Variants in SCAND3 observed in about 807,000 individuals in gnomAD.
SCAND3 encodes the protein SCAN domain-containing protein 3.
chr6:28,614,396 T>C, the SCAND3 span, among the ~76,000 whole-genome samples: 3 of 152,198 alleles, frequency 2.0e-5, no homozygotes, highest in Admixed American at 2.0e-4. Flanking sequence ...CTTCTAAACA[T>C]CTAGATAGGC....
chr6:28,595,195 CAAAAAA>C, the SCAND3 span, among the ~76,000 whole-genome samples: 2 of 16,104 alleles, frequency 1.2e-4, no homozygotes, highest in Non-Finnish European at 2.7e-4. Context: ...CCGTCACTAC[CAAAAAA>C]AAAAAAAAAA....
chr6:28,586,847 C>T, the SCAND3 span: 1 of 694,466 alleles, frequency 1.4e-6, no homozygotes, highest in Non-Finnish European at 2.4e-6. The surrounding 1 kb of genome is among the most constrained non-coding windows in gnomAD (Gnocchi z 4.4). Context: ...CAACACAGGA[C>T]AACTACAGAC....
the SCAND3 span, chr6:28,571,682 T>C: frequency 4.8e-6 from 2 of 418,502 alleles, no homozygotes; most frequent in Non-Finnish European, 8.2e-6. Flanking sequence ...TATATTTTAA[T>C]AAATACGACA....
the SCAND3 span, chr6:28,579,214 A>T: frequency 6.6e-7 from 1 of 1,504,936 alleles, no homozygotes; most frequent in Non-Finnish European, 9.1e-7. This position sits in a 1 kb window ranked among gnomAD's most constrained non-coding sequence, Gnocchi z 4.5. Context: ...AACTTTCAAT[A>T]CTAGACCCTT....
the SCAND3 span, chr6:28,575,298 G>C: frequency 6.2e-7 from 1 of 1,613,952 alleles, no homozygotes; most frequent in Non-Finnish European, 8.5e-7. The surrounding 1 kb of genome is among the most constrained non-coding windows in gnomAD (Gnocchi z 4.2). Context: ...CAGAACTCTG[G>C]CTTTGGCAGG....
At chr6:28,589,696 G>C in the SCAND3 span, 1 of 152,090 alleles carries the variant, frequency 6.6e-6, no homozygotes, top group East Asian at 1.9e-4. Flanking sequence ...CTTACGAAAA[G>C]CTCCAGCAGC....
chr6:28,576,779 T>A, the SCAND3 span, among the ~76,000 whole-genome samples: 2 of 151,724 alleles, frequency 1.3e-5, no homozygotes, highest in African/African-American at 4.8e-5. Context: ...TTTTTTTTTT[T>A]TTTTGTATTT....
At chr6:28,608,786 C>T in the SCAND3 span, among the ~76,000 whole-genome samples, 3 of 152,032 alleles carry the variant, frequency 2.0e-5, no homozygotes, top group Non-Finnish European at 4.4e-5. Context: ...ATTGCTTGAG[C>T]CCAGGAGTTC....
At chr6:28,572,954 T>C in the SCAND3 span, 3 of 1,614,046 alleles carry the variant, frequency 1.9e-6, no homozygotes, top group Non-Finnish European at 2.5e-6. The surrounding 1 kb of genome is among the most constrained non-coding windows in gnomAD (Gnocchi z 4.1). Flanking sequence ...TCAGAATGTT[T>C]TCCTGTCATT....
At chr6:28,576,841 A>G in the SCAND3 span, among the ~76,000 whole-genome samples, 1 of 149,396 alleles carries the variant, frequency 6.7e-6, no homozygotes, top group African/African-American at 2.5e-5. Context: ...CGATCTCCTG[A>G]CCTCATGATC....
the SCAND3 span, among the ~76,000 whole-genome samples, chr6:28,611,752 T>C: frequency 6.6e-6 from 1 of 152,256 alleles, no homozygotes; most frequent in Non-Finnish European, 1.5e-5. Context: ...TACTTTAGTA[T>C]CTACTTTTAA....
chr6:28,579,645 C>T, the SCAND3 span, among the ~76,000 whole-genome samples: 8,911 of 152,268 alleles, frequency 0.059, 569 homozygotes, highest in African/African-American at 0.16. The surrounding 1 kb of genome is among the most constrained non-coding windows in gnomAD (Gnocchi z 4.5). Context: ...AAAACGCATC[C>T]CTTTGGTTTC....
the SCAND3 span, among the ~76,000 whole-genome samples, chr6:28,608,232 G>A: frequency 1.3e-5 from 2 of 152,192 alleles, no homozygotes; most frequent in Non-Finnish European, 2.9e-5. Flanking sequence ...ATGACGCACT[G>A]CCACCTTTTC....
chr6:28,579,023 T>G, the SCAND3 span, among the ~76,000 whole-genome samples: 4 of 152,222 alleles, frequency 2.6e-5, no homozygotes, highest in African/African-American at 9.6e-5. This position sits in a 1 kb window ranked among gnomAD's most constrained non-coding sequence, Gnocchi z 4.5. Context: ...ATCTGATTTA[T>G]CCACAGGTAC....
the SCAND3 span, among the ~76,000 whole-genome samples, chr6:28,595,186 C>T: frequency 8.7e-6 from 1 of 114,836 alleles, no homozygotes; most frequent in African/African-American, 3.7e-5. Flanking sequence ...GGTGGAACCC[C>T]GTCACTACCA....
chr6:28,612,291 GC>G, the SCAND3 span, among the ~76,000 whole-genome samples: 1 of 152,102 alleles, frequency 6.6e-6, no homozygotes, highest in Non-Finnish European at 1.5e-5. Context: ...GCCTGCCTCA[GC>G]CTCCCAAAGT....
At chr6:28,595,652 G>T in the SCAND3 span, among the ~76,000 whole-genome samples, 1 of 151,902 alleles carries the variant, frequency 6.6e-6, no homozygotes, top group Non-Finnish European at 1.5e-5. Flanking sequence ...AACCCAGGAG[G>T]TGGAGGCTGC....
chr6:28,580,888 C>T, the SCAND3 span, among the ~76,000 whole-genome samples: 1 of 148,242 alleles, frequency 6.7e-6, no homozygotes, highest in Non-Finnish European at 1.5e-5. Flanking sequence ...TGGGCCTGGT[C>T]TTAGAACCGG....
chr6:28,606,660 GTGATTGAT>G, the SCAND3 span, among the ~76,000 whole-genome samples: 5 of 152,266 alleles, frequency 3.3e-5, no homozygotes, highest in East Asian at 9.6e-4. Context: ...GTTTGTCCTT[GTGATTGAT>G]TCATGACATC....
Sources: allele counts gnomAD v4.1 joint callset (sites outside exome capture counted in the v4.1 genomes callset), GRCh38; gene constraint gnomAD v4.1.1; non-coding constraint Gnocchi (gnomAD v3.1); transcripts MANE v1.5; gene names NCBI Gene and HGNC (gene_info 2026-07-23, HGNC 2026-07-21).